LIMS2: variants seen among roughly 807,000 people sequenced by gnomAD.
LIMS2 encodes the protein LIM zinc finger domain containing 2.
In LIMS2, 30 loss-of-function variants were observed where a neutral mutation model predicts 45.3. The observed-to-expected ratio is 0.66, with a 90% CI of 0.50 to 0.90. The LOEUF (loss-of-function observed/expected upper bound fraction) is 0.90. LIMS2 is among the 40% of genes least tolerant of loss of function. LIMS2 has a pLI of 0.00. For synonymous variants in LIMS2, 173 were observed against 188.0 expected (o/e 0.92, Z 0.65); for missense variants, 485 against 468.7 (o/e 1.03, Z -0.32).
At chr2:127,641,011 G>C in intron 6 of LIMS2, 23 bp from the exon 7 acceptor site, 2 of 1,606,122 alleles carry the variant, frequency 1.2e-6, no homozygotes, top group Non-Finnish European at 8.5e-7. Context: ...AGGGCGGGCC[G>C]GGTGGCATCA....
intron 1 of LIMS2, among the ~76,000 whole-genome samples, chr2:127,660,805 A>G (rs182630744): frequency 6.6e-6 from 1 of 152,038 alleles, no homozygotes; most frequent in Admixed American, 6.6e-5. Context: ...CTTCCGGCTC[A>G]TCTTCCAGTT....
In LIMS2 at chr2:127,672,889, G is replaced by C. The variant is rs559145983; in HGVS notation, c.11+2125C>G. On this transcript the variant is annotated intron_variant, in intron 1 of 9. Coordinates refer to ENST00000355119, the MANE Select transcript of LIMS2 (RefSeq NM_001161403.3). This position sits in a 1 kb window ranked among gnomAD's most constrained non-coding sequence, Gnocchi z 4.9. ...TGTTTCCCAAAAGCAGCCTGGCTCT[G>C]GGCAGCATGGGGGATCCCGAGAGAA... Among the ~76,000 whole-genome samples the C allele has an allele frequency of 5.3e-5, 8 of 152,214 alleles. No homozygotes were observed. Among genetic ancestry groups the C allele is most frequent in the Non-Finnish European group, 1.2e-4 (8 of 68,030 alleles).
chr2:127,655,458 A>G (rs1302511527), intron 2 of LIMS2: 1 of 159,562 alleles, frequency 6.3e-6, no homozygotes, highest in Admixed American at 5.8e-5. Context: ...GCTGGCCACA[A>G]GCGGGGCCAA....
In LIMS2 at chr2:127,672,785, C is replaced by A. The variant is rs1685326701; in HGVS notation, c.11+2229G>T. On this transcript the variant is annotated intron_variant, in intron 1 of 9. Coordinates refer to ENST00000355119, the MANE Select transcript of LIMS2 (RefSeq NM_001161403.3). This position sits in a 1 kb window ranked among gnomAD's most constrained non-coding sequence, Gnocchi z 4.9. The stretch of plus-strand genomic sequence containing the variant: ...AGGTCACTTTGGTGGCTCCCCACAG[C>A]CCTCCCTCTGCTCTTGCCTGGTGAG... Among the ~76,000 whole-genome samples the A allele has an allele frequency of 6.6e-6, 1 of 152,226 alleles. No homozygotes were observed. Among genetic ancestry groups the A allele is most frequent in the South Asian group, 2.1e-4 (1 of 4,834 alleles).
rs1682566507 is a variant in LIMS2, at chr2:127,642,796, C to A, written c.509+127G>T. 4 of 1,097,384 alleles carry A rather than the reference C, an allele frequency of 3.6e-6. No homozygotes were observed. In the Admixed American group the frequency reaches 1.0e-4, roughly 27 times the overall value. 68.0% of individuals were successfully genotyped at this position (1,097,384 alleles called of 1,614,324 possible). A position where few individuals can be genotyped will look rare whatever the true frequency, so the allele number is the denominator to read the frequency against. Reference sequence around the variant, plus strand: ...CCCTGCAGCCTTGCTCTCGGGACCCCTCTGTCTGCCCACCCTGCTCCCCTC... The same window carrying A: ...CCCTGCAGCCTTGCTCTCGGGACCCATCTGTCTGCCCACCCTGCTCCCCTC... On this transcript the variant is annotated intron_variant, in intron 5 of 9. Transcript: ENST00000355119. The surrounding 1 kb of genome is among the most constrained non-coding windows in gnomAD (Gnocchi z 5.3).
chr2:127,652,812 G>C (rs982548677), intron 4 of LIMS2, among the ~76,000 whole-genome samples: 1 of 152,204 alleles, frequency 6.6e-6, no homozygotes, highest in African/African-American at 2.4e-5. Flanking sequence ...GGGGCTGGGA[G>C]GGCCAAGTAG....
chr2:127,663,567 C>G (rs1043008274), intron 1 of LIMS2, among the ~76,000 whole-genome samples: 1 of 152,172 alleles, frequency 6.6e-6, no homozygotes, highest in Admixed American at 6.5e-5. Context: ...CCTTCCTCTG[C>G]TCCTGGGTCC....
chr2:127,649,635 C>T (rs1166511647), intron 4 of LIMS2, among the ~76,000 whole-genome samples: 1 of 152,214 alleles, frequency 6.6e-6, no homozygotes, highest in Non-Finnish European at 1.5e-5. Context: ...TGTTTGGGAC[C>T]CTCACTCTCC....
At chr2:127,674,940 G>C in intron 1 of LIMS2, 74 bp downstream of exon 1, 1 of 1,224,788 alleles carries the variant, frequency 8.2e-7, no homozygotes, top group Non-Finnish European at 1.0e-6. Flanking sequence ...GGCTGTACGA[G>C]GGCGAGCTGC....
rs1202954495 is a variant in LIMS2, at chr2:127,668,685, A to C, written c.11+6329T>G. 4.0e-3 allele frequency among the ~76,000 whole-genome samples: 481 copies of C among 121,532 alleles called. 11 individuals carry two copies. Among genetic ancestry groups the C allele is most frequent in the African/African-American group, 0.015 (438 of 28,626 alleles). The allele number at this position is 121,532 out of a possible 152,430, so 79.7% of individuals were successfully genotyped here. On this transcript the variant is annotated intron_variant, in intron 1 of 9. Transcript: ENST00000355119. Reference sequence around the variant, plus strand: ...CTCCGTCTCAAAAAAAAAAAAAAAAAAAAAAAAAAAAAAAAAAAAAAAAAA... The same window carrying C: ...CTCCGTCTCAAAAAAAAAAAAAAAACAAAAAAAAAAAAAAAAAAAAAAAAA...
chr2:127,665,808 C>T (rs1028804533), intron 1 of LIMS2, among the ~76,000 whole-genome samples: 8 of 152,202 alleles, frequency 5.3e-5, no homozygotes, highest in South Asian at 2.1e-4. Context: ...CATGCAGACC[C>T]GCAGTTTTCT....
intron 1 of LIMS2, among the ~76,000 whole-genome samples, chr2:127,658,018 C>T (rs756835939): frequency 3.3e-5 from 5 of 152,228 alleles, no homozygotes; most frequent in Non-Finnish European, 5.9e-5. Flanking sequence ...ATGGTTCCAT[C>T]CTCTGCACCA....
chr2:127,668,454 A>G (rs1003193116), intron 1 of LIMS2, among the ~76,000 whole-genome samples: 3 of 151,892 alleles, frequency 2.0e-5, no homozygotes, highest in Non-Finnish European at 4.4e-5. Flanking sequence ...GGATCACTTG[A>G]GGTCAGGAGT....
chr2:127,659,302 G>A (rs1429386006), intron 1 of LIMS2, among the ~76,000 whole-genome samples: 3 of 152,196 alleles, frequency 2.0e-5, no homozygotes, highest in Admixed American at 6.5e-5. Context: ...GCCACCATGC[G>A]AGCCCACATT....
intron 1 of LIMS2, chr2:127,674,769 T>A: frequency 1.0e-6 from 1 of 985,392 alleles, no homozygotes; most frequent in Non-Finnish European, 1.2e-6. Flanking sequence ...CTGTCCCATC[T>A]TGCAGCGGGC....
At chr2:127,654,647 G>A in intron 3 of LIMS2, 103 bp from the exon 4 acceptor site, 1 of 1,564,226 alleles carries the variant, frequency 6.4e-7, no homozygotes, top group South Asian at 1.2e-5. Context: ...TCTCTGCCTG[G>A]CCCATGGGCT....
At chr2:127,657,693 G>A (rs757165312) in intron 1 of LIMS2, 131 bp from the exon 2 acceptor site, 5 of 1,045,210 alleles carry the variant, frequency 4.8e-6, no homozygotes, top group South Asian at 1.6e-5. Context: ...CAGGAAAATC[G>A]CTCTAACCCA....
At chr2:127,643,234 C>T in intron 4 of LIMS2, 162 bp from the exon 5 acceptor site, 1 of 702,272 alleles carries the variant, frequency 1.4e-6, no homozygotes, top group South Asian at 1.9e-5. Context: ...GTCACAAGGC[C>T]CAGAAGGTCA....
In LIMS2 at chr2:127,650,945, G is replaced by C. The variant is rs775560021; in HGVS notation, c.359+3479C>G. ...CCGGGACCCCGGCCAACGTGTTCCTGATGCATCTGGCCGTGGCCGACTTGT... is the reference window on the plus strand; with the variant it reads ...CCGGGACCCCGGCCAACGTGTTCCTCATGCATCTGGCCGTGGCCGACTTGT... On this transcript the variant is annotated intron_variant, in intron 4 of 9. Coordinates refer to ENST00000355119, the MANE Select transcript of LIMS2 (RefSeq NM_001161403.3). 2.5e-6 allele frequency: 4 copies of C among 1,613,960 alleles called. No individual in the cohort carries two copies. In the Admixed American group the frequency reaches 5.0e-5, roughly 20 times the overall value.
Sources: allele counts gnomAD v4.1 joint callset (sites outside exome capture counted in the v4.1 genomes callset), GRCh38; gene constraint gnomAD v4.1.1; non-coding constraint Gnocchi (gnomAD v3.1); transcripts MANE v1.5; gene names NCBI Gene and HGNC (gene_info 2026-07-23, HGNC 2026-07-21).